The following CDS2 variants were observed in gnomAD, a reference collection of about 807,000 sequenced individuals.
CDS2 encodes phosphatidate cytidylyltransferase 2.
In CDS2, 47 loss-of-function variants were observed where a neutral mutation model predicts 59.0. The observed-to-expected ratio is 0.80, with a 90% CI of 0.63 to 1.02. CDS2 has a LOEUF of 1.02. CDS2 is among the 50% of genes least tolerant of loss of function. CDS2 has a pLI of 0.00. For synonymous variants in CDS2, 207 were observed against 206.4 expected (o/e 1.00, Z -0.02); for missense variants, 356 against 558.9 (o/e 0.64, Z 3.66).
intron 5 of CDS2, among the ~76,000 whole-genome samples, chr20:5,179,350 G>A (rs922697060): frequency 1.3e-5 from 2 of 152,200 alleles, no homozygotes; most frequent in Non-Finnish European, 2.9e-5. Flanking sequence ...CCGAACTCCC[G>A]AGTTTAACTT....
intron 1 of CDS2, among the ~76,000 whole-genome samples, chr20:5,149,477 G>GT (rs1235068553): frequency 1.3e-5 from 2 of 152,068 alleles, no homozygotes; most frequent in Non-Finnish European, 2.9e-5. Flanking sequence ...AAACCTATGA[G>GT]TCTTCCTTTG....
chr20:5,146,253 T>C (rs2090742542), intron 1 of CDS2, among the ~76,000 whole-genome samples: 1 of 152,180 alleles, frequency 6.6e-6, no homozygotes, highest in Non-Finnish European at 1.5e-5. Context: ...ATGACACTTG[T>C]GAATTCTGGG....
At chr20:5,136,541 C>G (rs2090651441) in intron 1 of CDS2, among the ~76,000 whole-genome samples, 1 of 152,170 alleles carries the variant, frequency 6.6e-6, no homozygotes, top group Non-Finnish European at 1.5e-5. Context: ...CCTTATCTGT[C>G]TTTTACTCTT....
intron 1 of CDS2, among the ~76,000 whole-genome samples, chr20:5,167,801 C>T (rs1947358204): frequency 6.6e-6 from 1 of 152,140 alleles, no homozygotes; most frequent in African/African-American, 2.4e-5. Flanking sequence ...TAATGACTTT[C>T]CTCCAGGAGA....
chr20:5,146,674 G>A (rs1203085464), intron 1 of CDS2, among the ~76,000 whole-genome samples: 1 of 152,070 alleles, frequency 6.6e-6, no homozygotes, highest in Non-Finnish European at 1.5e-5. Context: ...ACCACTTTGC[G>A]TTTATAACCT....
intron 1 of CDS2, among the ~76,000 whole-genome samples, chr20:5,166,307 T>C (rs1354180222): frequency 2.0e-5 from 3 of 152,164 alleles, no homozygotes; most frequent in African/African-American, 7.2e-5. Flanking sequence ...GGCCACCTTG[T>C]TCTCTTGAAA....
chr20:5,173,457 C>T (rs1380371527), intron 1 of CDS2, 66 bp from the exon 2 acceptor site: 1 of 1,572,062 alleles, frequency 6.4e-7, no homozygotes, highest in Non-Finnish European at 8.7e-7. Context: ...TCATGACAGG[C>T]ATAGACTTCT....
Position 5,193,698 on chromosome 20 carries a change from G to GT in CDS2, c.*3465dup, listed in dbSNP as rs2091135438. The GT allele has an allele frequency of 6.6e-6, 1 of 152,232 alleles. No homozygotes were observed. Among genetic ancestry groups the GT allele is most frequent in the South Asian group, 2.1e-4 (1 of 4,838 alleles). The allele number at this position is 152,232 out of a possible 1,614,324, so 9.4% of individuals were successfully genotyped here. A position where few individuals can be genotyped will look rare whatever the true frequency, so the allele number is the denominator to read the frequency against. On this transcript the variant is annotated 3_prime_UTR_variant, in exon 13 of 13. Coordinates refer to ENST00000460006, the MANE Select transcript of CDS2 (RefSeq NM_003818.4). ...ATTGACAGAGTCGGGTAGTGGGAGAGTATAAGTGACTTGAGACAGAGTGTC... is the reference window on the plus strand; with the variant it reads ...ATTGACAGAGTCGGGTAGTGGGAGAGTTATAAGTGACTTGAGACAGAGTGTC...
chr20:5,154,795 G>A (rs974734996), intron 1 of CDS2, among the ~76,000 whole-genome samples: 4 of 152,242 alleles, frequency 2.6e-5, no homozygotes, highest in Non-Finnish European at 2.9e-5. Flanking sequence ...CTACGGGTGC[G>A]TGCCACTACA....
rs2091063578 is a variant in CDS2, at chr20:5,185,837, G to A, written c.828+11G>A. 3 of 1,613,686 alleles carry A rather than the reference G, an allele frequency of 1.9e-6. No homozygotes were observed. Among genetic ancestry groups the A allele is most frequent in the African/African-American group, 2.7e-5 (2 of 74,930 alleles). ...GTGTTTGGCCTTCTGGTAGGTGGTG[G>A]CTTTCAGCTGTGTAAGGGATTGGGT... On this transcript the variant is annotated intron_variant, in intron 9 of 12. Coordinates refer to ENST00000460006, the MANE Select transcript of CDS2 (RefSeq NM_003818.4).
chr20:5,129,309 C>G (rs751980791), intron 1 of CDS2, among the ~76,000 whole-genome samples: 3 of 152,198 alleles, frequency 2.0e-5, no homozygotes, highest in African/African-American at 7.2e-5. Flanking sequence ...CGGAGTCTCT[C>G]TCTGTCGCCC....
chr20:5,190,037 A>G, intron 12 of CDS2, 65 bp from the exon 13 acceptor site: 2 of 1,580,640 alleles, frequency 1.3e-6, no homozygotes, highest in Non-Finnish European at 1.7e-6. Context: ...GCAGCCACTC[A>G]GATAATCAGG....
chr20:5,189,777 C>A lies in CDS2; in HGVS notation c.1144C>A (p.Arg382Ser). 6.2e-7 allele frequency: 1 copy of A among 1,614,108 alleles called. No individual in the cohort carries two copies. Among genetic ancestry groups the A allele is most frequent in the Non-Finnish European group, 8.5e-7 (1 of 1,179,978 alleles). The change falls in exon 12 of 13, where the codon CGC (arginine) becomes AGC (serine). Residue 382 changes from arginine to serine, a missense_variant. Around this residue, in one of 5 missense-constraint regions of CDS2, gnomAD observed 41 missense variants for 104.4 expected, o/e 0.39. Transcript: ENST00000460006. ...TIPGHGGIMD[R>S]FDCQYLMATF... ...TCCTGGCCATGGAGGCATCATGGATCGCTTTGACTGCCAGTATCTGATGGC... is the reference window on the plus strand; with the variant it reads ...TCCTGGCCATGGAGGCATCATGGATAGCTTTGACTGCCAGTATCTGATGGC...
At chr20:5,188,792 C>T (rs1048879434) in intron 10 of CDS2, among the ~76,000 whole-genome samples, 4 of 152,146 alleles carry the variant, frequency 2.6e-5, no homozygotes, top group Non-Finnish European at 5.9e-5. Flanking sequence ...GAAGCAGACA[C>T]ATGCAAAGAG....
rs867029598 is a variant in CDS2 at position 5,191,932 on chromosome 20, T to C, written c.*1698T>C. The C allele has an allele frequency of 6.6e-6, 1 of 152,170 alleles. No homozygotes were observed. Among genetic ancestry groups the C allele is most frequent in the Admixed American group, 6.5e-5 (1 of 15,280 alleles). The allele number at this position is 152,170 out of a possible 1,614,324, so 9.4% of individuals were successfully genotyped here. ...TCCAGGGCCTCTTTTTCGGAGCTAC[T>C]CCCAATTCCACTCTTCTGTGATTCT... On this transcript the variant is annotated 3_prime_UTR_variant, in exon 13 of 13. Coordinates refer to ENST00000460006, the MANE Select transcript of CDS2 (RefSeq NM_003818.4).
Position 5,190,625 on chromosome 20 carries a change from A to G in CDS2, c.*391A>G, listed in dbSNP as rs2091106916. 6.5e-6 allele frequency: 1 copy of G among 154,220 alleles called. No individual in the cohort carries two copies. The highest frequency in any genetic ancestry group is 2.1e-4 in the South Asian group (1 of 4,838). 9.6% of individuals were successfully genotyped at this position (154,220 alleles called of 1,614,324 possible). Reference sequence around the variant, plus strand: ...ACATTCATCTGTGTCTGACCAAATCAGGGGACTTCCCCACCTGTGGTGGGA... The same window carrying G: ...ACATTCATCTGTGTCTGACCAAATCGGGGGACTTCCCCACCTGTGGTGGGA... On this transcript the variant is annotated 3_prime_UTR_variant, in exon 13 of 13. Transcript: ENST00000460006.
In CDS2 at chr20:5,127,196, G is replaced by C. The variant is rs1568523570; in HGVS notation, c.57+47G>C. ...GCGCGGCCGGGACAGCGGCGCATCCGGGAGGCCTGCGGGGGACGCGCGCAG... is the reference window on the plus strand; with the variant it reads ...GCGCGGCCGGGACAGCGGCGCATCCCGGAGGCCTGCGGGGGACGCGCGCAG... On this transcript the variant is annotated intron_variant, in intron 1 of 12. Coordinates refer to ENST00000460006, the MANE Select transcript of CDS2 (RefSeq NM_003818.4). 4 of 1,433,374 alleles carry C rather than the reference G, an allele frequency of 2.8e-6. No individual in the cohort carries two copies. In the East Asian group the frequency reaches 1.2e-4, roughly 44 times the overall value. 88.8% of individuals were successfully genotyped at this position (1,433,374 alleles called of 1,614,324 possible).
At chr20:5,179,145 A>G (rs537318601) in intron 5 of CDS2, among the ~76,000 whole-genome samples, 189 bp downstream of exon 5, 1 of 127,330 alleles carries the variant, frequency 7.9e-6, no homozygotes, top group South Asian at 2.6e-4. Flanking sequence ...TTTTTGAGCC[A>G]GGGTCTCACT....
At chr20:5,131,474 G>A (rs984609795) in intron 1 of CDS2, among the ~76,000 whole-genome samples, 4 of 152,192 alleles carry the variant, frequency 2.6e-5, no homozygotes, top group Non-Finnish European at 5.9e-5. Context: ...TGAAAGATTG[G>A]CATCTTAAAA....
Sources: allele counts gnomAD v4.1 joint callset (sites outside exome capture counted in the v4.1 genomes callset), GRCh38; gene constraint gnomAD v4.1.1; regional missense constraint gnomAD v4.1.1; transcripts MANE v1.5; gene names NCBI Gene and HGNC (gene_info 2026-07-23, HGNC 2026-07-21).